RBMS3: variants seen among roughly 807,000 people sequenced by gnomAD.
The protein encoded by RBMS3 is RNA binding motif single stranded interacting protein 3, also known as RNA-binding motif, single-stranded-interacting protein 3.
Under a neutral mutation model 66.8 loss-of-function variants are expected in RBMS3, and 27 were observed. That is an observed-to-expected ratio of 0.40 (90% CI 0.30 to 0.56). The LOEUF (loss-of-function observed/expected upper bound fraction) is 0.56, where lower values mean the gene tolerates loss of function less well. Ranked by LOEUF, RBMS3 falls within the 20% of genes least tolerant of loss-of-function variation. The pLI is 0.40. For missense variants in RBMS3, 513 were observed against 549.5 expected, an observed-to-expected ratio of 0.93 and a Z score of 0.66; for synonymous variants, 188 against 183.0, an observed-to-expected ratio of 1.03 and a Z score of -0.22.
chr3:29,353,233 T>C (rs918594330), intron 1 of RBMS3, among the ~76,000 whole-genome samples: 2 of 151,942 alleles, frequency 1.3e-5, no homozygotes, highest in African/African-American at 4.8e-5. Context: ...CAGAGCAGTA[T>C]CAAATTATGG....
intron 4 of RBMS3, among the ~76,000 whole-genome samples, chr3:29,609,363 A>T (rs1487692469): frequency 6.6e-6 from 1 of 151,942 alleles, no homozygotes; most frequent in Non-Finnish European, 1.5e-5. Flanking sequence ...GAAAGAACTG[A>T]TGAAAGGGTC....
chr3:29,755,214 C>T (rs2055354807), intron 5 of RBMS3, among the ~76,000 whole-genome samples: 1 of 152,068 alleles, frequency 6.6e-6, no homozygotes, highest in Non-Finnish European at 1.5e-5. Context: ...AAACATTGGT[C>T]TGGCTAAAAA....
chr3:29,311,402 C>G (rs1293051966), intron 1 of RBMS3, among the ~76,000 whole-genome samples: 1 of 151,614 alleles, frequency 6.6e-6, no homozygotes, highest in South Asian at 2.1e-4. Flanking sequence ...ATAGGTAGAA[C>G]AGAAAATTGG....
chr3:29,330,924 G>A (rs2035615972), intron 1 of RBMS3, among the ~76,000 whole-genome samples: 1 of 152,158 alleles, frequency 6.6e-6, no homozygotes, highest in Non-Finnish European at 1.5e-5. Context: ...TTGCTTTGCA[G>A]ACATATGAAT....
chr3:29,353,548 C>G (rs1398826973), intron 1 of RBMS3, among the ~76,000 whole-genome samples: 1 of 151,880 alleles, frequency 6.6e-6, no homozygotes, highest in African/African-American at 2.4e-5. Context: ...TGTAATCATG[C>G]TTCATTTTGC....
chr3:29,753,886 T>C (rs1050439564), intron 5 of RBMS3, among the ~76,000 whole-genome samples: 13 of 152,190 alleles, frequency 8.5e-5, no homozygotes, highest in African/African-American at 3.1e-4. Flanking sequence ...AGCTGTAAGA[T>C]TACACTTTTT....
intron 4 of RBMS3, among the ~76,000 whole-genome samples, chr3:29,602,847 A>T (rs2048194366): frequency 1.3e-5 from 2 of 151,984 alleles, no homozygotes; most frequent in African/African-American, 4.8e-5. Flanking sequence ...GATTTTCTAC[A>T]GAGTATCCAG....
intron 4 of RBMS3, among the ~76,000 whole-genome samples, chr3:29,613,118 T>C (rs2048547933): frequency 6.6e-6 from 1 of 151,924 alleles, no homozygotes; most frequent in Non-Finnish European, 1.5e-5. Flanking sequence ...AAATACTTAA[T>C]AATTTTTTTA....
chr3:29,735,022 G>A lies in RBMS3; in HGVS notation c.400-4698G>A, dbSNP rs536089831. Among the ~76,000 whole-genome samples, 35 of 152,198 alleles carry A rather than the reference G, an allele frequency of 2.3e-4. No individual in the cohort carries two copies. The South Asian group carries it at 7.1e-3, about 31-fold the overall frequency. On this transcript the variant is annotated intron_variant, in intron 4 of 14. Transcript: ENST00000383767. ...AAATGTCATTCCATCAAATGTGAAT[G>A]TTAGCAGATTGTTGTTAAGTTTTAA...
chr3:29,725,344 G>A (rs569993688), intron 4 of RBMS3, among the ~76,000 whole-genome samples: 35 of 152,172 alleles, frequency 2.3e-4, no homozygotes, highest in Middle Eastern at 3.4e-3. Flanking sequence ...AAAGCTAACA[G>A]AAGACAAGAA....
intron 4 of RBMS3, among the ~76,000 whole-genome samples, chr3:29,695,055 C>A (rs929742054): frequency 6.6e-6 from 1 of 151,988 alleles, no homozygotes; most frequent in African/African-American, 2.4e-5. Flanking sequence ...ATTTTGAAAG[C>A]AAGTTTGGCC....
chr3:29,698,670 T>C (rs2052389543), intron 4 of RBMS3: 2 of 953,438 alleles, frequency 2.1e-6, no homozygotes, highest in Non-Finnish European at 1.2e-6. Context: ...CATTTGCTTT[T>C]TTTAAAGTAT....
intron 1 of RBMS3, among the ~76,000 whole-genome samples, chr3:29,286,563 A>G (rs183066977): frequency 3.0e-3 from 447 of 150,576 alleles, no homozygotes; most frequent in Middle Eastern, 6.8e-3. Flanking sequence ...TGGAAAAAAA[A>G]TAGCACAAAA....
intron 4 of RBMS3, among the ~76,000 whole-genome samples, chr3:29,630,275 G>C (rs9813916): frequency 1.3e-5 from 2 of 152,108 alleles, no homozygotes; most frequent in Non-Finnish European, 2.9e-5. Flanking sequence ...GCATAGAAAA[G>C]CTGGTGAATG....
At chr3:29,319,563 A>G (rs891134222) in intron 1 of RBMS3, among the ~76,000 whole-genome samples, 6 of 151,982 alleles carry the variant, frequency 3.9e-5, no homozygotes, top group African/African-American at 1.4e-4. Context: ...GTGCTGGATC[A>G]TTTACACGGT....
intron 6 of RBMS3, among the ~76,000 whole-genome samples, chr3:29,772,255 C>T (rs1337599052): frequency 6.6e-6 from 1 of 151,986 alleles, no homozygotes; most frequent in African/African-American, 2.4e-5. Context: ...AGACTTCTGA[C>T]CTATACAACT....
intron 6 of RBMS3, among the ~76,000 whole-genome samples, chr3:29,783,912 A>C (rs1399672068): frequency 1.3e-5 from 2 of 152,184 alleles, no homozygotes; most frequent in Non-Finnish European, 2.9e-5. Context: ...ACATCAGATG[A>C]AACAAACTTT....
chr3:29,661,668 G>A (rs2050557278), intron 4 of RBMS3, among the ~76,000 whole-genome samples: 1 of 151,738 alleles, frequency 6.6e-6, no homozygotes, highest in Admixed American at 6.6e-5. Flanking sequence ...TTTCTCTTTT[G>A]AATATTCATT....
At chr3:29,661,062 C>T (rs138832595) in intron 4 of RBMS3, among the ~76,000 whole-genome samples, 79 of 152,270 alleles carry the variant, frequency 5.2e-4, no homozygotes, top group Non-Finnish European at 9.4e-4. Flanking sequence ...CAGGAGCATG[C>T]GTACAGCTAC....
Sources: gnomAD v4.1 joint callset for allele counts (sites outside exome capture counted in the v4.1 genomes callset) on GRCh38, gnomAD v4.1.1 for gene constraint, MANE v1.5 for transcripts, NCBI Gene and HGNC (gene_info 2026-07-23, HGNC 2026-07-21) for gene names.